TGM6: variants seen among roughly 807,000 people sequenced by gnomAD.
TGM6 encodes transglutaminase 6.
Under a neutral mutation model 77.5 loss-of-function variants are expected in TGM6, and 74 were observed. The observed-to-expected ratio is 0.96, with a 90% CI of 0.79 to 1.16. The LOEUF is 1.16. Among genes scored for constraint, TGM6 ranks in the 50% most tolerant of loss-of-function variants. The pLI is 0.00. For missense variants in TGM6, 968 were observed against 940.2 expected, an observed-to-expected ratio of 1.03 and a Z score of -0.39; for synonymous variants, 383 against 378.9, an observed-to-expected ratio of 1.01 and a Z score of -0.12.
intron 1 of TGM6, among the ~76,000 whole-genome samples, chr20:2,382,420 G>C (rs1453166273): frequency 2.0e-5 from 3 of 152,140 alleles, no homozygotes; most frequent in African/African-American, 7.2e-5. Flanking sequence ...CCTCTTCCCT[G>C]GGCCTTTGAT....
Position 2,380,981 on chromosome 20 carries a change from T to C in TGM6, c.7+6T>C, listed in dbSNP as rs773466098. On this transcript the variant is annotated splice_donor_region_variant and intron_variant, in intron 1 of 12. Coordinates refer to ENST00000202625, the MANE Select transcript of TGM6 (RefSeq NM_198994.3). Reference sequence around the variant, plus strand: ...AGCTGGCCTTCACATGGCAGGTAAGTGGGCAGAGCCTGGGGCCTTGGGACA... The same window carrying C: ...AGCTGGCCTTCACATGGCAGGTAAGCGGGCAGAGCCTGGGGCCTTGGGACA... The C allele has an allele frequency of 8.1e-6, 13 of 1,608,502 alleles. No individual in the cohort carries two copies. The highest frequency in any genetic ancestry group is 1.1e-5 in the Non-Finnish European group (13 of 1,178,532).
intron 9 of TGM6, among the ~76,000 whole-genome samples, chr20:2,409,087 A>T (rs927939407): frequency 2.0e-5 from 3 of 152,210 alleles, no homozygotes; most frequent in African/African-American, 7.2e-5. Context: ...CAGCCATAAA[A>T]TAAGCCTCAG....
intron 7 of TGM6, 121 bp from the exon 8 acceptor site, chr20:2,403,276 T>A (rs547497643): frequency 1.7e-4 from 173 of 1,002,294 alleles, no homozygotes; most frequent in Admixed American, 4.6e-4. Flanking sequence ...GAATGAGTGA[T>A]TCACAACATG....
intron 1 of TGM6, 42 bp downstream of exon 1, chr20:2,381,017 T>C (rs751580642): frequency 6.2e-7 from 1 of 1,606,052 alleles, no homozygotes; most frequent in Non-Finnish European, 8.5e-7. Context: ...CCAGGGCTCA[T>C]GAGGGGGGCT....
rs773687683 is a variant in TGM6 at position 2,403,583 on chromosome 20, G to A, written c.1096G>A (p.Val366Met). The A allele has an allele frequency of 4.3e-6, 7 of 1,614,134 alleles. No homozygotes were observed. Among genetic ancestry groups the A allele is most frequent in the Non-Finnish European group, 5.9e-6 (7 of 1,180,028 alleles). The stretch of plus-strand genomic sequence containing the variant: ...TCATGCCCACCCCTCCTGCCCAGGT[G>A]TGTTCCGGTGCGGCCCAGCCTCAGT... ...DATPQEESEG[V>M]FRCGPASVTA... Residue 366 changes from valine to methionine, a missense_variant and splice_region_variant, in exon 9 of 13, where the codon GTG (valine) becomes ATG (methionine). Val to Met is a conservative substitution (Grantham distance 21). Transcript: ENST00000202625.
chr20:2,396,779 C>T (rs2084671737), intron 4 of TGM6, among the ~76,000 whole-genome samples, 155 bp downstream of exon 4: 1 of 152,202 alleles, frequency 6.6e-6, no homozygotes, highest in South Asian at 2.1e-4. Context: ...CTACTATTCA[C>T]TGGGCCAGGG....
Position 2,403,813 on chromosome 20 carries a change from G to T in TGM6, c.1326G>T (p.Lys442Asn), listed in dbSNP as rs752575866. Residue 442 changes from lysine to asparagine, a missense_variant, in exon 9 of 13, where the codon AAG becomes AAT. By Grantham distance (94) the Lys-to-Asn change is moderately conservative. Transcript: ENST00000202625. ...DSRVDITDLY[K>N]YPEGSRKERQ... ...GCGTGGACATCACTGACCTCTACAA[G>T]TATCCGGAAGGTAAGGGCCACATGG... is the stretch of plus-strand genomic sequence containing the variant. The T allele has an allele frequency of 1.9e-6, 3 of 1,614,026 alleles. No individual in the cohort carries two copies. Among genetic ancestry groups the T allele is most frequent in the Non-Finnish European group, 2.5e-6 (3 of 1,180,050 alleles).
chr20:2,431,075 G>A (rs1387429008), intron 12 of TGM6, 48 bp downstream of exon 12: 1 of 1,577,988 alleles, frequency 6.3e-7, no homozygotes, highest in Non-Finnish European at 8.6e-7. Flanking sequence ...TCTCTTCCTT[G>A]TGGATGAGCC....
At position 2,394,613 on chromosome 20, in the gene TGM6, A is replaced by G. The variant is rs1174714434; in HGVS notation, c.169A>G (p.Thr57Ala). The change falls in exon 2 of 13, where the codon ACG (threonine) becomes GCG (alanine). Residue 57 changes from threonine to alanine, a missense_variant. Physicochemically the swap from Thr to Ala is moderately conservative, Grantham distance 58. Transcript: ENST00000202625. Reference protein sequence around the residue: ...ALDCEEILIFTMETGPRASEA... With the variant: ...ALDCEEILIFAMETGPRASEA... ...GGACTGTGAGGAGATCCTCATCTTC[A>G]CGATGGAGACAGGTAACTGGGCTTG... 6.2e-7 allele frequency: 1 copy of G among 1,611,100 alleles called. No individual in the cohort carries two copies. Among genetic ancestry groups the G allele is most frequent in the Non-Finnish European group, 8.5e-7 (1 of 1,179,152 alleles).
intron 3 of TGM6, among the ~76,000 whole-genome samples, 167 bp downstream of exon 3, chr20:2,395,603 G>A (rs187775395): frequency 7.9e-5 from 12 of 152,286 alleles, no homozygotes; most frequent in African/African-American, 2.9e-4. Context: ...AGAGAAACCT[G>A]GTAGCAGGTG....
At chr20:2,390,139 G>A (rs1269554650) in intron 1 of TGM6, among the ~76,000 whole-genome samples, 2 of 152,096 alleles carry the variant, frequency 1.3e-5, no homozygotes, top group Non-Finnish European at 2.9e-5. Flanking sequence ...TCTTTGTGGT[G>A]AGCATTCTTT....
Position 2,380,962 on chromosome 20 carries a change from C to A in TGM6, c.-7C>A, listed in dbSNP as rs774886352. Reference sequence around the variant, plus strand: ...TGGAGGAACAGAGGAGTCCAGCTGGCCTTCACATGGCAGGTAAGTGGGCAG... The same window carrying A: ...TGGAGGAACAGAGGAGTCCAGCTGGACTTCACATGGCAGGTAAGTGGGCAG... On this transcript the variant is annotated 5_prime_UTR_variant, in exon 1 of 13. Coordinates refer to ENST00000202625, the MANE Select transcript of TGM6 (RefSeq NM_198994.3). 3.1e-6 allele frequency: 5 copies of A among 1,607,910 alleles called. No individual in the cohort carries two copies. The South Asian group carries it at 5.6e-5, about 18-fold the overall frequency.
chr20:2,391,255 T>C (rs2084627760), intron 1 of TGM6, among the ~76,000 whole-genome samples: 1 of 152,050 alleles, frequency 6.6e-6, no homozygotes, highest in African/African-American at 2.4e-5. Flanking sequence ...AGCACTTGAA[T>C]ACATACAAAG....
At chr20:2,382,999 GGCTGGGA>G (rs2084566690) in intron 1 of TGM6, among the ~76,000 whole-genome samples, 1 of 152,220 alleles carries the variant, frequency 6.6e-6, no homozygotes, top group Non-Finnish European at 1.5e-5. Context: ...GGCTGGCTCT[GGCTGGGA>G]CATTGGGTTG....
chr20:2,430,227 T>G (rs1053301016), intron 10 of TGM6, among the ~76,000 whole-genome samples: 32 of 152,198 alleles, frequency 2.1e-4, no homozygotes, highest in Admixed American at 5.9e-4. Context: ...CACCTCATCT[T>G]AATTTCTTGG....
intron 7 of TGM6, 92 bp downstream of exon 7, chr20:2,400,536 A>C: frequency 6.3e-7 from 1 of 1,579,132 alleles, no homozygotes; most frequent in Non-Finnish European, 8.6e-7. Context: ...AGGGAGCGGC[A>C]GGCCCAGAGC....
chr20:2,432,032 G>GT (rs985815603), intron 12 of TGM6, among the ~76,000 whole-genome samples: 4 of 151,996 alleles, frequency 2.6e-5, no homozygotes, highest in Non-Finnish European at 4.4e-5. Context: ...TTGGAAATAT[G>GT]TTTTTTTGGT....
intron 3 of TGM6, 67 bp downstream of exon 3, chr20:2,395,503 G>A (rs2084659076): frequency 1.6e-5 from 26 of 1,613,490 alleles, no homozygotes; most frequent in Non-Finnish European, 2.2e-5. Flanking sequence ...GCCTGCCCTT[G>A]GAGGGGGCCT....
At chr20:2,429,466 GAA>G (rs59799305) in intron 10 of TGM6, among the ~76,000 whole-genome samples, 10 of 132,826 alleles carry the variant, frequency 7.5e-5, no homozygotes, top group African/African-American at 1.4e-4. Flanking sequence ...ATAGTAGTCA[GAA>G]AAAAAAAAAA....
Sources: gnomAD v4.1 joint callset for allele counts (sites outside exome capture counted in the v4.1 genomes callset) on GRCh38, gnomAD v4.1.1 for gene constraint, MANE v1.5 for transcripts, NCBI Gene and HGNC (gene_info 2026-07-23, HGNC 2026-07-21) for gene names.